Variants in ATAD2B observed in about 807,000 individuals in gnomAD.
The protein encoded by ATAD2B is ATPase family AAA domain-containing protein 2B.
Under a neutral mutation model 167.6 loss-of-function variants are expected in ATAD2B, and 40 were observed. The ratio of observed to expected loss-of-function variants is 0.24; its 90% CI spans 0.19 to 0.31. The LOEUF (loss-of-function observed/expected upper bound fraction) is 0.31, where lower values mean the gene tolerates loss of function less well. ATAD2B is among the 10% of genes least tolerant of loss of function. The pLI is 1.00. For synonymous variants in ATAD2B, 579 were observed against 596.5 expected, an observed-to-expected ratio of 0.97 and a Z score of 0.43; for missense variants, 1,242 against 1,757.2, an observed-to-expected ratio of 0.71 and a Z score of 5.24.
chr2:23,867,856 A>G lies in ATAD2B; in HGVS notation c.1167T>C (p.Asp389=). The change falls in exon 10 of 28, where the codon GAT becomes GAC. Residue 389 remains aspartate, a synonymous_variant. Transcript: ENST00000238789. The part of the protein sequence containing the change: ...VKVGASLADV[D]PMNIDKSVRF... ...TTACTGATTTATCAATGTTCATTGG[A>G]TCAACATCAGCCAAGCTTGCACCCA... The G allele has an allele frequency of 6.2e-7, 1 of 1,612,136 alleles. No homozygotes were observed. The highest frequency in any genetic ancestry group is 8.5e-7 in the Non-Finnish European group (1 of 1,178,602).
At chr2:23,915,652 C>T (rs1161363562) in intron 1 of ATAD2B, among the ~76,000 whole-genome samples, 3 of 124,680 alleles carry the variant, frequency 2.4e-5, no homozygotes, top group Non-Finnish European at 3.1e-5. Flanking sequence ...AGTACAGTGG[C>T]GCGATCTCAG....
the ATAD2B span, among the ~76,000 whole-genome samples, chr2:23,693,769 A>G: frequency 6.6e-6 from 1 of 152,226 alleles, no homozygotes; most frequent in African/African-American, 2.4e-5. Context: ...CTCTGCAGGG[A>G]GAAGTGGGTC....
At chr2:23,793,039 T>G (rs1222603980) in intron 19 of ATAD2B, among the ~76,000 whole-genome samples, 1 of 151,610 alleles carries the variant, frequency 6.6e-6, no homozygotes, top group Admixed American at 6.6e-5. Context: ...CGTAATTGTT[T>G]TATTACCAAA....
chr2:23,808,117 A>G (rs1204652280), intron 18 of ATAD2B, among the ~76,000 whole-genome samples: 1 of 119,296 alleles, frequency 8.4e-6, no homozygotes, highest in Non-Finnish European at 1.7e-5. Flanking sequence ...AATTATATAT[A>G]TAATTATTAT....
chr2:23,693,510 C>T, the ATAD2B span: 5 of 1,550,472 alleles, frequency 3.2e-6, no homozygotes, highest in African/African-American at 4.1e-5. Flanking sequence ...TCAAGAAGGA[C>T]CCCGCGACAC....
the ATAD2B span, among the ~76,000 whole-genome samples, chr2:23,709,963 C>A: frequency 6.6e-6 from 1 of 152,168 alleles, no homozygotes; most frequent in Non-Finnish European, 1.5e-5. Flanking sequence ...GAACAAATTG[C>A]ATTTTGCCAT....
chr2:23,925,697 A>G (rs997725097), intron 1 of ATAD2B, among the ~76,000 whole-genome samples: 5 of 152,210 alleles, frequency 3.3e-5, no homozygotes, highest in Admixed American at 2.6e-4. Flanking sequence ...AAGATCTTTC[A>G]ATCAGTTTTT....
intron 1 of ATAD2B, among the ~76,000 whole-genome samples, chr2:23,921,033 TG>T (rs1703839812): frequency 6.6e-6 from 1 of 151,638 alleles, no homozygotes; most frequent in Non-Finnish European, 1.5e-5. Flanking sequence ...GATGAAGCCC[TG>T]TCTCTACTAA....
chr2:23,829,065 T>C, intron 14 of ATAD2B, 126 bp from the exon 15 acceptor site: 1 of 633,240 alleles, frequency 1.6e-6, no homozygotes, highest in South Asian at 2.0e-5. Context: ...AAATTTTTAT[T>C]TTAAAAAAAA....
the ATAD2B span, chr2:23,706,599 C>G: frequency 2.0e-5 from 30 of 1,537,194 alleles, no homozygotes; most frequent in Non-Finnish European, 2.4e-5. Flanking sequence ...CCTCCTCCCC[C>G]ACATGCCCTG....
chr2:23,780,479 T>C (rs1057005636), intron 22 of ATAD2B, among the ~76,000 whole-genome samples: 2 of 152,198 alleles, frequency 1.3e-5, no homozygotes, highest in East Asian at 3.8e-4. Flanking sequence ...TTTGCAATTA[T>C]AGAATCTGTG....
At chr2:23,869,021 AT>A (rs780379033) in intron 9 of ATAD2B, among the ~76,000 whole-genome samples, 52 of 152,212 alleles carry the variant, frequency 3.4e-4, no homozygotes, top group Non-Finnish European at 5.0e-4. Context: ...CAGATGAGAA[AT>A]TCTTTTTTAG....
chr2:23,703,967 G>A, the ATAD2B span: 77 of 1,316,680 alleles, frequency 5.8e-5, no homozygotes, highest in African/African-American at 1.1e-3. Context: ...GCAATTCCCA[G>A]GCCCAGAGCA....
intron 13 of ATAD2B, among the ~76,000 whole-genome samples, chr2:23,836,947 G>C (rs1690083462): frequency 1.3e-5 from 2 of 152,180 alleles, no homozygotes; most frequent in Admixed American, 1.3e-4. Context: ...GGGACTGGCA[G>C]CCTGGCCAAC....
chr2:23,732,286 G>C, the ATAD2B span, among the ~76,000 whole-genome samples: 6 of 152,178 alleles, frequency 3.9e-5, no homozygotes, highest in East Asian at 9.6e-4. Context: ...AGAGACTGAG[G>C]GGGAATTTGT....
At chr2:23,795,722 T>C (rs1411903745) in intron 19 of ATAD2B, among the ~76,000 whole-genome samples, 3 of 151,302 alleles carry the variant, frequency 2.0e-5, no homozygotes, top group Non-Finnish European at 4.4e-5. Flanking sequence ...TCTACTAAAA[T>C]ACAAAAATTA....
At chr2:23,808,849 A>C (rs1370678526) in intron 18 of ATAD2B, 1 of 152,120 alleles carries the variant, frequency 6.6e-6, no homozygotes, top group Non-Finnish European at 1.5e-5. Flanking sequence ...AGATTGGTCT[A>C]CAGTTTTATT....
At chr2:23,875,789 T>A (rs755311709) in intron 8 of ATAD2B, 40 bp downstream of exon 8, 3 of 1,358,430 alleles carry the variant, frequency 2.2e-6, no homozygotes, top group Admixed American at 1.9e-5. Context: ...TAGTCTCTCA[T>A]TGACAAATGC....
chr2:23,913,501 G>A (rs1183029370), intron 1 of ATAD2B, among the ~76,000 whole-genome samples: 2 of 152,000 alleles, frequency 1.3e-5, no homozygotes, highest in African/African-American at 2.4e-5. Context: ...TTAGCTGGGC[G>A]TGGGTGCACA....
Sources: gnomAD v4.1 joint callset for allele counts (sites outside exome capture counted in the v4.1 genomes callset) on GRCh38, gnomAD v4.1.1 for gene constraint, MANE v1.5 for transcripts, NCBI Gene and HGNC (gene_info 2026-07-23, HGNC 2026-07-21) for gene names.